The following SPRED2 variants were observed in gnomAD, a reference collection of about 807,000 sequenced individuals.
The protein encoded by SPRED2 is sprouty-related, EVH1 domain-containing protein 2.
In SPRED2, 47 loss-of-function variants were observed where a neutral mutation model predicts 43.0. That is an observed-to-expected ratio of 1.09 (90% CI 0.87 to 1.40). The LOEUF (loss-of-function observed/expected upper bound fraction) is 1.40, where lower values mean the gene tolerates loss of function less well. SPRED2 is among the 40% of genes most tolerant of loss of function. SPRED2 has a pLI of 0.00. For missense variants in SPRED2, 561 were observed against 586.4 expected, an observed-to-expected ratio of 0.96 and a Z score of 0.45; for synonymous variants, 225 against 225.7, an observed-to-expected ratio of 1.00 and a Z score of 0.03.
At chr2:65,347,766 G>A (rs564263653) in intron 1 of SPRED2, among the ~76,000 whole-genome samples, 27 of 152,178 alleles carry the variant, frequency 1.8e-4, no homozygotes, top group African/African-American at 5.3e-4. Context: ...CATAGGCATC[G>A]AATACGTATC....
intron 4 of SPRED2, among the ~76,000 whole-genome samples, chr2:65,331,109 T>C (rs1047565353): frequency 2.0e-5 from 3 of 152,156 alleles, no homozygotes; most frequent in Non-Finnish European, 4.4e-5. Flanking sequence ...AGGCCCAGAA[T>C]TTGAAAATGC....
chr2:65,347,751 C>A (rs1423315748), intron 1 of SPRED2, among the ~76,000 whole-genome samples: 1 of 152,168 alleles, frequency 6.6e-6, no homozygotes, highest in Admixed American at 6.5e-5. Flanking sequence ...TATGTGAGGT[C>A]TCTACATAGG....
At chr2:65,357,649 A>T (rs957328633) in intron 1 of SPRED2, among the ~76,000 whole-genome samples, 4 of 152,186 alleles carry the variant, frequency 2.6e-5, no homozygotes, top group African/African-American at 9.7e-5. Context: ...TAGGCAACTG[A>T]TTGTGAAAGG....
At chr2:65,394,508 A>G (rs1202405021) in intron 1 of SPRED2, among the ~76,000 whole-genome samples, 1 of 152,226 alleles carries the variant, frequency 6.6e-6, no homozygotes. Context: ...TGAGGAACAC[A>G]TACTTTATGA....
chr2:65,320,631 C>T (rs957366053), intron 4 of SPRED2, among the ~76,000 whole-genome samples: 2 of 152,188 alleles, frequency 1.3e-5, no homozygotes, highest in Non-Finnish European at 1.5e-5. Context: ...TGCGTCCTAG[C>T]CGAGCCTGCA....
chr2:65,341,062 G>A (rs1453580535), intron 2 of SPRED2, among the ~76,000 whole-genome samples: 2 of 145,330 alleles, frequency 1.4e-5, no homozygotes, highest in Middle Eastern at 3.5e-3. Flanking sequence ...TGGTGGGGGG[G>A]AGGGCAGTGA....
At position 65,417,961 on chromosome 2, in the gene SPRED2, T is replaced by A. The variant is rs568776457; in HGVS notation, c.26+14001A>T. Among the ~76,000 whole-genome samples, 9 of 152,342 alleles carry A rather than the reference T, an allele frequency of 5.9e-5. No homozygotes were observed. The East Asian group carries it at 1.7e-3, about 29-fold the overall frequency. ...GTTAATTCTAGGCTGTATGTCTGAT[T>A]TACAAAATAAGTTGGCTAATTTTGT... On this transcript the variant is annotated intron_variant, in intron 1 of 5. Coordinates refer to ENST00000356388, the MANE Select transcript of SPRED2 (RefSeq NM_181784.3).
downstream of SPRED2, among the ~76,000 whole-genome samples, chr2:65,307,184 T>C (rs1459994321): frequency 2.0e-5 from 3 of 152,102 alleles, no homozygotes; most frequent in Non-Finnish European, 4.4e-5. Context: ...ATTTTTATAT[T>C]ATATGACATT....
chr2:65,398,408 G>A (rs1193871702), intron 1 of SPRED2, among the ~76,000 whole-genome samples: 1 of 152,128 alleles, frequency 6.6e-6, no homozygotes, highest in Admixed American at 6.6e-5. Flanking sequence ...AAAAGCTTCT[G>A]CACAGCAAAA....
At chr2:65,366,838 C>T (rs994251668) in intron 1 of SPRED2, 13 of 1,192,570 alleles carry the variant, frequency 1.1e-5, no homozygotes, top group African/African-American at 3.2e-5. Context: ...TCACATTCAA[C>T]ATCCTGCTTC....
chr2:65,393,501 A>AT (rs1675685925), intron 1 of SPRED2, among the ~76,000 whole-genome samples: 1 of 151,712 alleles, frequency 6.6e-6, no homozygotes, highest in East Asian at 1.9e-4. Context: ...CGCCCGGCTA[A>AT]TTTTTGTGTT....
In SPRED2 at chr2:65,338,208, C is replaced by CG. The variant is rs1278273812; in HGVS notation, c.205-3436_205-3435insC. ...CTCTCCCTCTCCCGTCTCCCTCTCC[C>CG]TCTCCCGTCTCCCTCTCCCTCTCCC... On this transcript the variant is annotated intron_variant, in intron 2 of 5. Coordinates refer to ENST00000356388, the MANE Select transcript of SPRED2 (RefSeq NM_181784.3). Among the ~76,000 whole-genome samples the CG allele has an allele frequency of 8.3e-4, 91 of 109,684 alleles. 22 individuals carry two copies. The highest frequency in any genetic ancestry group is 3.0e-3 in the African/African-American group (86 of 28,240). 72.0% of individuals were successfully genotyped at this position (109,684 alleles called of 152,430 possible).
At chr2:65,338,936 G>A (rs1463969465) in intron 2 of SPRED2, among the ~76,000 whole-genome samples, 67 of 145,674 alleles carry the variant, frequency 4.6e-4, no homozygotes, top group East Asian at 1.8e-3. Flanking sequence ...TGTGGGGAGC[G>A]CCTCTGCCCC....
chr2:65,341,477 C>G (rs1674183231), intron 2 of SPRED2, among the ~76,000 whole-genome samples: 1 of 152,014 alleles, frequency 6.6e-6, no homozygotes, highest in Non-Finnish European at 1.5e-5. Context: ...CTGGACTGCC[C>G]TAATATTATG....
At chr2:65,357,620 T>C (rs1293220572) in intron 1 of SPRED2, among the ~76,000 whole-genome samples, 1 of 152,168 alleles carries the variant, frequency 6.6e-6, no homozygotes, top group Non-Finnish European at 1.5e-5. Flanking sequence ...CTTATCTTGG[T>C]CCCTTGAAAT....
intron 2 of SPRED2, among the ~76,000 whole-genome samples, chr2:65,341,255 C>T (rs1674175855): frequency 6.6e-6 from 1 of 150,922 alleles, no homozygotes; most frequent in Non-Finnish European, 1.5e-5. Flanking sequence ...AGAAGTACAG[C>T]AGGACATATG....
chr2:65,313,198 G>A lies in SPRED2; in HGVS notation c.*303C>T. 1 of 1,104,894 alleles carries A rather than the reference G, an allele frequency of 9.1e-7. No individual in the cohort carries two copies. The highest frequency in any genetic ancestry group is 1.1e-6 in the Non-Finnish European group (1 of 906,622). The allele number at this position is 1,104,894 out of a possible 1,614,324, so 68.4% of individuals were successfully genotyped here. ...GGAAACAGGAAATCAACACATGGAT[G>A]AGACAGTTAGCTTGGTTACAGATTG... On this transcript the variant is annotated 3_prime_UTR_variant, in exon 6 of 6. Coordinates refer to ENST00000356388, the MANE Select transcript of SPRED2 (RefSeq NM_181784.3).
intron 4 of SPRED2, among the ~76,000 whole-genome samples, chr2:65,325,673 G>A (rs533778013): frequency 3.3e-5 from 5 of 152,204 alleles, no homozygotes; most frequent in Admixed American, 1.3e-4. Context: ...AGGTGCAGTG[G>A]CTCATGCCTG....
chr2:65,362,971 G>A lies in SPRED2; in HGVS notation c.27-18075C>T, dbSNP rs553547062. 8.1e-5 allele frequency among the ~76,000 whole-genome samples: 12 copies of A among 148,522 alleles called. No homozygotes were observed. In the South Asian group the frequency reaches 2.5e-3, roughly 31 times the overall value. The stretch of plus-strand genomic sequence containing the variant: ...CGGGCGAGCAGGCCAGCCTGCTTCT[G>A]CAGCACTTGCTTTCTCTATGGTCAT... On this transcript the variant is annotated intron_variant, in intron 1 of 5. Transcript: ENST00000356388.
Sources: gnomAD v4.1 joint callset for allele counts (sites outside exome capture counted in the v4.1 genomes callset) on GRCh38, gnomAD v4.1.1 for gene constraint, MANE v1.5 for transcripts, NCBI Gene and HGNC (gene_info 2026-07-23, HGNC 2026-07-21) for gene names.